TOPAZ1: variants seen among roughly 807,000 people sequenced by gnomAD.
The protein encoded by TOPAZ1 is testis and ovary specific TOPAZ 1.
Under a neutral mutation model 172.2 loss-of-function variants are expected in TOPAZ1, and 66 were observed. The observed-to-expected ratio is 0.38, with a 90% confidence interval of 0.31 to 0.47. The LOEUF (loss-of-function observed/expected upper bound fraction) is 0.47. Ranked by LOEUF, TOPAZ1 falls within the 20% of genes least tolerant of loss-of-function variation. The pLI is 0.99. For missense variants in TOPAZ1, 1,822 were observed against 1,972.4 expected, an observed-to-expected ratio of 0.92 and a Z score of 1.44; for synonymous variants, 681 against 683.9, an observed-to-expected ratio of 1.00 and a Z score of 0.07.
In TOPAZ1 at chr3:44,246,363, C is replaced by G. The variant is rs181636099; in HGVS notation, c.2765+1092C>G. On this transcript the variant is annotated intron_variant, in intron 2 of 19. Transcript: ENST00000309765. Reference sequence around the variant, plus strand: ...AATATCATAATATTTTGTGAATAGACTCAAAGAAAAATGAAAACACTTTTC... The same window carrying G: ...AATATCATAATATTTTGTGAATAGAGTCAAAGAAAAATGAAAACACTTTTC... Among the ~76,000 whole-genome samples the G allele has an allele frequency of 1.9e-4, 29 of 152,190 alleles. No individual in the cohort carries two copies. In the East Asian group the frequency reaches 5.4e-3, roughly 28 times the overall value.
At chr3:44,286,621 A>C (rs1243244710) in intron 9 of TOPAZ1, among the ~76,000 whole-genome samples, 4 of 152,238 alleles carry the variant, frequency 2.6e-5, no homozygotes, top group Non-Finnish European at 5.9e-5. Flanking sequence ...TAATCCAGCT[A>C]GTAATAAATA....
intron 12 of TOPAZ1, among the ~76,000 whole-genome samples, chr3:44,301,551 T>G (rs983094651): frequency 6.6e-6 from 1 of 152,234 alleles, no homozygotes; most frequent in Non-Finnish European, 1.5e-5. Context: ...AGAATGTTTT[T>G]CAATGTTTGC....
chr3:44,302,356 G>A (rs1363914952), intron 12 of TOPAZ1, among the ~76,000 whole-genome samples: 3 of 152,168 alleles, frequency 2.0e-5, no homozygotes, highest in African/African-American at 7.2e-5. Flanking sequence ...CTTGCAGTGA[G>A]CCGAGATAGC....
At chr3:44,281,906 T>C in intron 8 of TOPAZ1, 62 bp from the exon 9 acceptor site, 2 of 997,266 alleles carry the variant, frequency 2.0e-6, no homozygotes, top group Non-Finnish European at 3.0e-6. Context: ...AGGATTGAAA[T>C]GTGTATAGTT....
chr3:44,290,718 C>G (rs950026142), intron 11 of TOPAZ1, 53 bp from the exon 12 acceptor site: 5 of 1,164,914 alleles, frequency 4.3e-6, no homozygotes, highest in Admixed American at 2.4e-5. Context: ...ATTGGCTCCT[C>G]AATTCTGTCA....
chr3:44,334,441 A>C (rs1257641825), downstream of TOPAZ1, among the ~76,000 whole-genome samples: 1 of 152,176 alleles, frequency 6.6e-6, no homozygotes, highest in African/African-American at 2.4e-5. Context: ...ATGAAGGGTT[A>C]TGAAAAACTT....
At chr3:44,287,571 A>G in intron 10 of TOPAZ1, 31 bp downstream of exon 10, 2 of 1,364,962 alleles carry the variant, frequency 1.5e-6, no homozygotes, top group Non-Finnish European at 1.9e-6. Context: ...TGTTATTTTA[A>G]TATTTTATGT....
chr3:44,257,831 T>G (rs1432299869), intron 4 of TOPAZ1, among the ~76,000 whole-genome samples: 1 of 152,194 alleles, frequency 6.6e-6, no homozygotes, highest in Admixed American at 6.5e-5. Context: ...TGACCACCAC[T>G]GCAGTCAAAG....
chr3:44,302,302 C>T (rs763223825), intron 12 of TOPAZ1, among the ~76,000 whole-genome samples: 2 of 151,934 alleles, frequency 1.3e-5, no homozygotes, highest in African/African-American at 4.8e-5. Context: ...CCCAGCTTCT[C>T]GGGAGGCTGA....
intron 14 of TOPAZ1, among the ~76,000 whole-genome samples, chr3:44,305,625 C>A (rs1484263812): frequency 1.3e-5 from 2 of 152,076 alleles, no homozygotes; most frequent in East Asian, 3.8e-4. Context: ...CCACCTCAGC[C>A]TCTCAAAGCA....
chr3:44,304,209 T>C (rs1700309618), intron 13 of TOPAZ1, 128 bp downstream of exon 13: 3 of 512,342 alleles, frequency 5.9e-6, no homozygotes, highest in Non-Finnish European at 1.0e-5. Flanking sequence ...GAGAAAATGC[T>C]CAAGGAAAGG....
intron 8 of TOPAZ1, among the ~76,000 whole-genome samples, chr3:44,271,243 G>A (rs1383656822): frequency 6.6e-6 from 1 of 152,050 alleles, no homozygotes; most frequent in Non-Finnish European, 1.5e-5. Context: ...TTTCCAGAGG[G>A]GTTTTACCAA....
chr3:44,257,469 AGT>A (rs10523650), intron 4 of TOPAZ1, among the ~76,000 whole-genome samples: 3,912 of 113,532 alleles, frequency 0.034, 56 homozygotes, highest in Non-Finnish European at 0.038. Flanking sequence ...ATATATATAT[AGT>A]GTGTGTGTGT....
Position 44,270,670 on chromosome 3 carries a change from T to C in TOPAZ1, c.3247-15T>C, listed in dbSNP as rs1029263651. 33 of 1,530,434 alleles carry C rather than the reference T, an allele frequency of 2.2e-5. No individual in the cohort carries two copies. The highest frequency in any genetic ancestry group is 2.6e-5 in the Non-Finnish European group (30 of 1,138,238). The allele number at this position is 1,530,434 out of a possible 1,614,324, so 94.8% of individuals were successfully genotyped here. ...TTACAGTTAATACAGAAAGTGAATC[T>C]TTCTAATTTTCTAGGTGTTCCAGAA... is the stretch of plus-strand genomic sequence containing the variant. On this transcript the variant is annotated splice_polypyrimidine_tract_variant and intron_variant, in intron 7 of 19. Transcript: ENST00000309765.
chr3:44,259,248 A>G (rs1020217477), intron 4 of TOPAZ1, among the ~76,000 whole-genome samples: 1 of 147,146 alleles, frequency 6.8e-6, no homozygotes, highest in Non-Finnish European at 1.5e-5. Flanking sequence ...ACTTCCCTCT[A>G]GGTTCTGCCT....
chr3:44,306,807 C>A (rs1053178885), intron 15 of TOPAZ1, among the ~76,000 whole-genome samples: 1 of 152,088 alleles, frequency 6.6e-6, no homozygotes, highest in African/African-American at 2.4e-5. Context: ...AAAAATCAGA[C>A]CTTGGTGATG....
At chr3:44,267,194 G>T in intron 6 of TOPAZ1, 58 bp downstream of exon 6, 3 of 1,329,936 alleles carry the variant, frequency 2.3e-6, no homozygotes, top group Non-Finnish European at 2.0e-6. Context: ...GAAACTAGGA[G>T]ATTTTTCTAC....
chr3:44,321,740 C>T (rs1346955573), intron 17 of TOPAZ1, among the ~76,000 whole-genome samples: 3 of 152,170 alleles, frequency 2.0e-5, no homozygotes, highest in East Asian at 1.9e-4. Context: ...GTACTTTCAT[C>T]GTACTATCTA....
At chr3:44,280,869 A>G (rs533828089) in intron 8 of TOPAZ1, among the ~76,000 whole-genome samples, 1 of 152,124 alleles carries the variant, frequency 6.6e-6, no homozygotes, top group South Asian at 2.1e-4. Context: ...CAGGGTTACA[A>G]TCTGTGGGGG....
Sources: gnomAD v4.1 joint callset for allele counts (sites outside exome capture counted in the v4.1 genomes callset) on GRCh38, gnomAD v4.1.1 for gene constraint, MANE v1.5 for transcripts, NCBI Gene and HGNC (gene_info 2026-07-23, HGNC 2026-07-21) for gene names.